The following EIF4A3 variants were observed in gnomAD, a reference collection of about 807,000 sequenced individuals.
The protein encoded by EIF4A3 is eukaryotic translation initiation factor 4A3.
Under a neutral mutation model 55.6 loss-of-function variants are expected in EIF4A3, and 1 was observed. That is an observed-to-expected ratio of 0.02 (90% CI 0.01 to 0.09). The LOEUF (loss-of-function observed/expected upper bound fraction) is 0.09. EIF4A3 is among the 10% of genes least tolerant of loss of function. The pLI, the probability that EIF4A3 is intolerant of heterozygous loss-of-function variation, is 1.00. For synonymous variants in EIF4A3, 194 were observed against 196.3 expected (o/e 0.99, Z 0.10); for missense variants, 221 against 540.7 (o/e 0.41, Z 5.86).
intron 6 of EIF4A3, 90 bp from the exon 7 acceptor site, chr17:80,139,252 G>T: frequency 6.5e-7 from 1 of 1,528,788 alleles, no homozygotes; most frequent in Non-Finnish European, 8.9e-7. Flanking sequence ...CTGGGTTAGA[G>T]GCAGAGTGGT....
chr17:80,145,997 A>G (rs549169203), intron 1 of EIF4A3, among the ~76,000 whole-genome samples: 1 of 152,254 alleles, frequency 6.6e-6, no homozygotes, highest in East Asian at 1.9e-4. Context: ...GACACCCAGA[A>G]GAATCTTTAA....
At chr17:80,143,576 G>T (rs1016939103) in intron 2 of EIF4A3, among the ~76,000 whole-genome samples, 10 of 152,208 alleles carry the variant, frequency 6.6e-5, no homozygotes, top group Admixed American at 2.6e-4. Context: ...CTGTGCTGAT[G>T]ACTGTTGTGG....
intron 3 of EIF4A3, 61 bp from the exon 4 acceptor site, chr17:80,141,442 A>AATTCACACTCAG: frequency 1.3e-6 from 2 of 1,491,278 alleles, no homozygotes; most frequent in South Asian, 2.3e-5. Flanking sequence ...GGATTGTAGT[A>AATTCACACTCAG]ATTCACACTC....
In EIF4A3 at chr17:80,144,256, A is replaced by T; in HGVS notation, c.170-12T>A. On this transcript the variant is annotated splice_polypyrimidine_tract_variant and intron_variant, in intron 1 of 11. Transcript: ENST00000649764. ...TGGTTTTTCAAAACCTGCAAATAAA[A>T]ACAAAAAATTAGCCCTCACCACAAT... 1.2e-6 allele frequency: 2 copies of T among 1,613,888 alleles called. No homozygotes were observed. Among genetic ancestry groups the T allele is most frequent in the Non-Finnish European group, 1.7e-6 (2 of 1,179,910 alleles).
At position 80,144,275 on chromosome 17, in the gene EIF4A3, C is replaced by T. The variant is rs1402133804; in HGVS notation, c.170-31G>A. The T allele has an allele frequency of 3.1e-6, 5 of 1,607,590 alleles. No individual in the cohort carries two copies. In the African/African-American group the frequency reaches 6.7e-5, roughly 22 times the overall value. ...AATAAAAACAAAAAATTAGCCCTCA[C>T]CACAATGACAGCATAGAAACCCTGT... On this transcript the variant is annotated intron_variant, in intron 1 of 11. Coordinates refer to ENST00000649764, the MANE Select transcript of EIF4A3 (RefSeq NM_014740.4).
In EIF4A3 at chr17:80,136,281, C is replaced by T. The variant is rs765020827; in HGVS notation, c.1038G>A (p.Val346=). 6.2e-7 allele frequency: 1 copy of T among 1,614,140 alleles called. No homozygotes were observed. Among genetic ancestry groups the T allele is most frequent in the Non-Finnish European group, 8.5e-7 (1 of 1,180,018 alleles). ...VWARGLDVPQ[V]SLIINYDLPN... ...GGAGATCATAGTTAATGATGAGGGACACCTGAGGGACATCCAACCCCCTGG... is the reference window on the plus strand; with the variant it reads ...GGAGATCATAGTTAATGATGAGGGATACCTGAGGGACATCCAACCCCCTGG... Residue 346 remains valine, a synonymous_variant, in exon 10 of 12, where the codon GTG becomes GTA. Coordinates refer to ENST00000649764, the MANE Select transcript of EIF4A3 (RefSeq NM_014740.4).
At chr17:80,138,699 C>T (rs771528109) in intron 7 of EIF4A3, 10 of 344,376 alleles carry the variant, frequency 2.9e-5, no homozygotes, top group Middle Eastern at 9.1e-4. Context: ...TGACCTCAAG[C>T]GATCCTCCCA....
chr17:80,135,768 G>A (rs2039565320), intron 11 of EIF4A3: 1 of 614,374 alleles, frequency 1.6e-6, no homozygotes, highest in African/African-American at 1.9e-5. Flanking sequence ...TGGTGCACGT[G>A]TCTGTAATTC....
chr17:80,139,631 A>T, intron 6 of EIF4A3, 39 bp downstream of exon 6: 1 of 1,557,604 alleles, frequency 6.4e-7, no homozygotes, highest in Non-Finnish European at 8.8e-7. Context: ...AGAACTAAGA[A>T]TTATGTCAGT....
At chr17:80,143,740 A>G (rs2039636875) in intron 2 of EIF4A3, among the ~76,000 whole-genome samples, 2 of 152,182 alleles carry the variant, frequency 1.3e-5, no homozygotes, top group Admixed American at 1.3e-4. Flanking sequence ...GCACTTTAGG[A>G]GGCCAAGGAG....
chr17:80,146,287 C>A (rs1341660193), intron 1 of EIF4A3, among the ~76,000 whole-genome samples: 1 of 152,102 alleles, frequency 6.6e-6, no homozygotes, highest in East Asian at 1.9e-4. Flanking sequence ...CAAATGGCAC[C>A]CCCTCCTGCG....
At chr17:80,139,586 C>A (rs2039601098) in intron 6 of EIF4A3, 84 bp downstream of exon 6, 1 of 1,209,026 alleles carries the variant, frequency 8.3e-7, no homozygotes, top group South Asian at 1.3e-5. Flanking sequence ...TCAGAACAGT[C>A]ACTGGCTGTT....
intron 4 of EIF4A3, 59 bp from the exon 5 acceptor site, chr17:80,140,199 AAAAG>A (rs2039605964): frequency 3.4e-6 from 5 of 1,451,918 alleles, no homozygotes; most frequent in African/African-American, 2.9e-5. Flanking sequence ...ACGTTTTCCA[AAAAG>A]AAAGACTGTT....
At chr17:80,146,247 A>AT (rs34550577) in intron 1 of EIF4A3, among the ~76,000 whole-genome samples, 82,600 of 151,684 alleles carry the variant, frequency 0.54, 22,592 homozygotes, top group South Asian at 0.64. Context: ...CCCTCTTCTC[A>AT]TAACAGTCTC....
chr17:80,143,434 GAA>G (rs1368378872), intron 2 of EIF4A3, among the ~76,000 whole-genome samples: 1 of 152,184 alleles, frequency 6.6e-6, no homozygotes, highest in Non-Finnish European at 1.5e-5. Context: ...ACTGGTGTCT[GAA>G]AAGAGGGTAG....
At chr17:80,143,303 A>G (rs1374621289) in intron 2 of EIF4A3, among the ~76,000 whole-genome samples, 1 of 152,150 alleles carries the variant, frequency 6.6e-6, no homozygotes, top group Non-Finnish European at 1.5e-5. Flanking sequence ...ATAAACCACT[A>G]AATGTGTTTC....
intron 1 of EIF4A3, among the ~76,000 whole-genome samples, chr17:80,145,730 C>A (rs1470972228): frequency 1.3e-5 from 2 of 152,146 alleles, no homozygotes; most frequent in Non-Finnish European, 2.9e-5. Flanking sequence ...TTCAAACATA[C>A]CAAGAGACAG....
At chr17:80,135,957 T>C (rs200204489) in intron 11 of EIF4A3, 47 bp downstream of exon 11, 70 of 1,587,552 alleles carry the variant, frequency 4.4e-5, no homozygotes, top group Middle Eastern at 2.1e-4. Context: ...AAACTAAGAA[T>C]AGGGAAGTTC....
At chr17:80,145,353 C>T (rs777218340) in intron 1 of EIF4A3, among the ~76,000 whole-genome samples, 3 of 152,148 alleles carry the variant, frequency 2.0e-5, no homozygotes, top group Non-Finnish European at 4.4e-5. Flanking sequence ...TCACTGAGGT[C>T]AGGAGTTCAA....
Sources: allele counts gnomAD v4.1 joint callset (sites outside exome capture counted in the v4.1 genomes callset), GRCh38; gene constraint gnomAD v4.1.1; transcripts MANE v1.5; gene names NCBI Gene and HGNC (gene_info 2026-07-23, HGNC 2026-07-21).